The following AFAP1L2 variants were observed in gnomAD, a reference collection of about 807,000 sequenced individuals.
The protein encoded by AFAP1L2 is actin filament-associated protein 1-like 2.
Under a neutral mutation model 99.3 loss-of-function variants are expected in AFAP1L2, and 46 were observed. The ratio of observed to expected loss-of-function variants is 0.46; its 90% CI spans 0.37 to 0.59. AFAP1L2 has a LOEUF of 0.59. Ranked by LOEUF, AFAP1L2 falls within the 20% of genes least tolerant of loss-of-function variation. The pLI is 0.00. For synonymous variants in AFAP1L2, 397 were observed against 419.1 expected, an observed-to-expected ratio of 0.95 and a Z score of 0.64; for missense variants, 959 against 1,034.9, an observed-to-expected ratio of 0.93 and a Z score of 1.01.
At chr10:114,393,479 C>T (rs2057361650) in intron 1 of AFAP1L2, 1 of 152,210 alleles carries the variant, frequency 6.6e-6, no homozygotes, top group Non-Finnish European at 1.5e-5. Flanking sequence ...GATCCACACT[C>T]TTACCTCCGG....
Position 114,295,395 on chromosome 10 carries a change from G to GAAGT in AFAP1L2, c.*643_*646dup. The GAAGT allele has an allele frequency of 5.1e-6, 5 of 985,794 alleles. No individual in the cohort carries two copies. In the South Asian group the frequency reaches 1.9e-4, roughly 37 times the overall value. 61.1% of individuals were successfully genotyped at this position (985,794 alleles called of 1,614,324 possible). On this transcript the variant is annotated 3_prime_UTR_variant, in exon 19 of 19. Transcript: ENST00000304129. ...ATTCAGGCCTGCCTTGGACTGGAAA[G>GAAGT]AAGTCTTTAACTTAGTGGGATTAGT...
intron 1 of AFAP1L2, among the ~76,000 whole-genome samples, chr10:114,403,237 T>C (rs996837987): frequency 1.3e-5 from 2 of 152,236 alleles, no homozygotes; most frequent in African/African-American, 2.4e-5. Context: ...GCAAAGACCC[T>C]TCCTGAATAT....
rs1554952526 is a variant in AFAP1L2, at chr10:114,377,950, G to A, written c.16+26490C>T. 6.6e-6 allele frequency among the ~76,000 whole-genome samples: 1 copy of A among 152,040 alleles called. No homozygotes were observed. The highest frequency in any genetic ancestry group is 2.4e-5 in the African/African-American group (1 of 41,402). On this transcript the variant is annotated intron_variant, in intron 1 of 18. Coordinates refer to ENST00000304129, the MANE Select transcript of AFAP1L2 (RefSeq NM_001001936.3). This position sits in a 1 kb window ranked among gnomAD's most constrained non-coding sequence, Gnocchi z 4.0. ...AGAAACTGTATTATGGTTTTTTTGTGGGTCTTCACTGGTGCCACCCCTACG... is the reference window on the plus strand; with the variant it reads ...AGAAACTGTATTATGGTTTTTTTGTAGGTCTTCACTGGTGCCACCCCTACG...
intron 1 of AFAP1L2, among the ~76,000 whole-genome samples, chr10:114,394,578 A>G (rs1479030452): frequency 6.6e-6 from 1 of 152,102 alleles, no homozygotes; most frequent in East Asian, 1.9e-4. Context: ...AACAGAGTGA[A>G]AAAGTGGGAG....
intron 1 of AFAP1L2, among the ~76,000 whole-genome samples, chr10:114,388,286 AAC>A (rs57067006): frequency 1.0e-4 from 15 of 149,796 alleles, no homozygotes; most frequent in Admixed American, 1.3e-4. Context: ...AGCCCTCATG[AAC>A]ACACACACAC....
chr10:114,329,353 G>C (rs559874300), intron 4 of AFAP1L2, among the ~76,000 whole-genome samples: 23 of 152,186 alleles, frequency 1.5e-4, no homozygotes, highest in Admixed American at 2.6e-4. Context: ...CCAGGTCCCA[G>C]ACCCTGGGCC....
intron 13 of AFAP1L2, among the ~76,000 whole-genome samples, chr10:114,301,053 T>C (rs961861350): frequency 1.3e-5 from 2 of 152,118 alleles, no homozygotes; most frequent in South Asian, 2.1e-4. Context: ...CAACAACCGA[T>C]TTGGACCTGG....
intron 16 of AFAP1L2, 141 bp from the exon 17 acceptor site, chr10:114,297,554 G>A (rs567171791): frequency 1.2e-5 from 11 of 910,236 alleles, no homozygotes; most frequent in South Asian, 1.7e-5. Flanking sequence ...GCCAGGAGGG[G>A]CCTGTATGCC....
rs1489941854 is a variant in AFAP1L2, at chr10:114,301,429, G to A, written c.1467C>T (p.Tyr489=). 2 of 1,614,078 alleles carry A rather than the reference G, an allele frequency of 1.2e-6. No homozygotes were observed. The highest frequency in any genetic ancestry group is 2.7e-5 in the African/African-American group (2 of 74,942). The change falls in exon 13 of 19, where the codon TAC becomes TAT. Residue 489 remains tyrosine (Y), a synonymous_variant. Coordinates refer to ENST00000304129, the MANE Select transcript of AFAP1L2 (RefSeq NM_001001936.3). ...MQRKFSEPNT[Y]IDGLPSQDRQ... ...GGTCCTGGCTAGGCAGGCCATCGAT[G>A]TAAGTGTTGGGCTCTGAGAACTTTC...
chr10:114,315,476 G>A, intron 6 of AFAP1L2, 84 bp downstream of exon 6: 1 of 1,449,828 alleles, frequency 6.9e-7, no homozygotes, highest in East Asian at 2.3e-5. Flanking sequence ...CTGAGGTCAG[G>A]GACCATCCTG....
At chr10:114,299,966 G>A (rs2040854458) in intron 15 of AFAP1L2, among the ~76,000 whole-genome samples, 1 of 152,196 alleles carries the variant, frequency 6.6e-6, no homozygotes, top group South Asian at 2.1e-4. Flanking sequence ...AGGCTGCACT[G>A]TCGGCTTCCC....
At chr10:114,400,856 T>C (rs2058164945) in intron 1 of AFAP1L2, among the ~76,000 whole-genome samples, 1 of 152,202 alleles carries the variant, frequency 6.6e-6, no homozygotes. Context: ...GCTCCACAGA[T>C]GATTCCATGC....
downstream of AFAP1L2, chr10:114,290,271 C>T (rs967665819): frequency 3.9e-6 from 6 of 1,550,478 alleles, no homozygotes; most frequent in African/African-American, 6.8e-5. Flanking sequence ...TCTGCAAACC[C>T]AGCCCGTGCA....
intron 1 of AFAP1L2, among the ~76,000 whole-genome samples, chr10:114,341,528 G>C (rs2420057): frequency 0.6 from 91,035 of 151,416 alleles, 33,306 homozygotes; most frequent in East Asian, 0.91. Flanking sequence ...CAGGAGAATC[G>C]CTTGAACCCG....
Position 114,378,445 on chromosome 10 carries a change from A to T in AFAP1L2, c.16+25995T>A, listed in dbSNP as rs148977718. Among the ~76,000 whole-genome samples the T allele has an allele frequency of 2.6e-3, 400 of 152,322 alleles. 5 individuals carry two copies. The highest frequency in any genetic ancestry group is 0.024 in the Middle Eastern group (7 of 294). On this transcript the variant is annotated intron_variant, in intron 1 of 18. Transcript: ENST00000304129. ...ATAAGCTGATACACTTCCCATGGGC[A>T]AATGTTTAAAATATTGCCATTGTCC...
intron 1 of AFAP1L2, among the ~76,000 whole-genome samples, chr10:114,350,662 G>T (rs1021019513): frequency 2.0e-5 from 3 of 152,212 alleles, no homozygotes; most frequent in Non-Finnish European, 4.4e-5. Flanking sequence ...CCTGGCAGCT[G>T]ATGGGCTGGA....
At chr10:114,355,253 TCTC>T (rs1172311573) in intron 1 of AFAP1L2, among the ~76,000 whole-genome samples, 1 of 114,476 alleles carries the variant, frequency 8.7e-6, no homozygotes, top group Non-Finnish European at 1.7e-5. Context: ...CTTCTCGCTC[TCTC>T]TTTTTTTTTT....
chr10:114,324,396 A>AACC (rs2045889580), intron 4 of AFAP1L2, among the ~76,000 whole-genome samples: 3 of 126,440 alleles, frequency 2.4e-5, no homozygotes, highest in African/African-American at 1.1e-4. Context: ...GGGGTGCACC[A>AACC]CCCCCCCCCC....
At chr10:114,374,085 A>C (rs993125624) in intron 1 of AFAP1L2, among the ~76,000 whole-genome samples, 4 of 152,078 alleles carry the variant, frequency 2.6e-5, no homozygotes, top group African/African-American at 9.7e-5. Context: ...CATCTCCTAT[A>C]AACTCTGCGA....
Sources: gnomAD v4.1 joint callset for allele counts (sites outside exome capture counted in the v4.1 genomes callset) on GRCh38, gnomAD v4.1.1 for gene constraint, Gnocchi (gnomAD v3.1) non-coding constraint, MANE v1.5 for transcripts, NCBI Gene and HGNC (gene_info 2026-07-23, HGNC 2026-07-21) for gene names.